MMP26: variants seen among roughly 807,000 people sequenced by gnomAD.
The protein encoded by MMP26 is matrix metalloproteinase-26.
Under a neutral mutation model 31.0 loss-of-function variants are expected in MMP26, and 33 were observed. The ratio of observed to expected loss-of-function variants is 1.06; its 90% CI spans 0.81 to 1.42. MMP26 has a LOEUF of 1.42. Among genes scored for constraint, MMP26 ranks in the 40% most tolerant of loss-of-function variants. The pLI is 0.00. For missense variants in MMP26, 347 were observed against 316.1 expected (o/e 1.10, Z -0.74); for synonymous variants, 122 against 114.9 (o/e 1.06, Z -0.40).
Position 4,740,632 on chromosome 11 carries a change from G to A in MMP26, c.-216-26638G>A, listed in dbSNP as rs998718210. 4.7e-5 allele frequency among the ~76,000 whole-genome samples: 7 copies of A among 150,052 alleles called. No homozygotes were observed. In the South Asian group the frequency reaches 8.4e-4, roughly 18 times the overall value. ...CGTGAAGCAGAGGTTGCAGTGAGCC[G>A]AGATTGCACCACTGCACTCCAGCCT... On this transcript the variant is annotated intron_variant, in intron 1 of 7. Transcript: ENST00000380390.
intron 2 of MMP26, among the ~76,000 whole-genome samples, chr11:4,816,358 G>C (rs562366111): frequency 3.3e-5 from 5 of 152,154 alleles, no homozygotes; most frequent in Non-Finnish European, 7.3e-5. Context: ...TGGATGAAAT[G>C]TCCGTCAGGT....
intron 2 of MMP26, among the ~76,000 whole-genome samples, chr11:4,976,983 C>T (rs764889460): frequency 6.6e-6 from 1 of 151,956 alleles, no homozygotes; most frequent in Non-Finnish European, 1.5e-5. Flanking sequence ...AAATGAAAGT[C>T]GTTATTCTGC....
At chr11:4,987,380 G>T (rs1846917375) in intron 2 of MMP26, among the ~76,000 whole-genome samples, 1 of 151,648 alleles carries the variant, frequency 6.6e-6, no homozygotes, top group Non-Finnish European at 1.5e-5. Flanking sequence ...ATAGGTCTTG[G>T]AGATTTTTTT....
At chr11:4,857,940 T>G (rs1850079622) in intron 2 of MMP26, among the ~76,000 whole-genome samples, 1 of 152,184 alleles carries the variant, frequency 6.6e-6, no homozygotes, top group African/African-American at 2.4e-5. Flanking sequence ...TCAATAAACG[T>G]AATCCATCAT....
chr11:4,779,887 T>G (rs1237798974), intron 2 of MMP26, among the ~76,000 whole-genome samples: 1 of 152,140 alleles, frequency 6.6e-6, no homozygotes, highest in Admixed American at 6.5e-5. Flanking sequence ...GCCTCCTTAC[T>G]GAAGCACCGT....
intron 2 of MMP26, among the ~76,000 whole-genome samples, chr11:4,974,968 G>A (rs1429228549): frequency 6.6e-6 from 1 of 151,964 alleles, no homozygotes; most frequent in Non-Finnish European, 1.5e-5. Context: ...TTGAGGTGGG[G>A]GGAGGGAGAG....
At chr11:4,876,958 A>G (rs961497887) in intron 2 of MMP26, 4 of 154,842 alleles carry the variant, frequency 2.6e-5, no homozygotes, top group African/African-American at 7.2e-5. Context: ...CCTTTGCACT[A>G]TGCTACAATT....
intron 1 of MMP26, among the ~76,000 whole-genome samples, chr11:4,738,627 C>T (rs1049567580): frequency 1.3e-5 from 2 of 152,066 alleles, no homozygotes; most frequent in Non-Finnish European, 2.9e-5. Context: ...TGGCTTTTAC[C>T]TCATCTAATT....
rs1183952347 is a variant in MMP26 at position 4,948,491 on chromosome 11, G to A, written c.-144-39577G>A. Among the ~76,000 whole-genome samples the A allele has an allele frequency of 1.6e-5, 2 of 123,622 alleles. 1 individual carries two copies. The highest frequency in any genetic ancestry group is 3.7e-5 in the Non-Finnish European group (2 of 54,552). The allele number at this position is 123,622 out of a possible 152,430, so 81.1% of individuals were successfully genotyped here. A position where few individuals can be genotyped will look rare whatever the true frequency, so the allele number is the denominator to read the frequency against. ...AAGTATATAGCACGCTATCAGGTTT[G>A]CCAAGCAATATTTAAGGAGTTATGA... On this transcript the variant is annotated intron_variant, in intron 2 of 7. Transcript: ENST00000380390.
At chr11:4,718,950 A>C (rs1847973685) in intron 1 of MMP26, 4 of 197,722 alleles carry the variant, frequency 2.0e-5, no homozygotes, top group Middle Eastern at 5.1e-4. Context: ...CTGTCATGGA[A>C]TCTTCAGTGC....
rs546846723 is a variant in MMP26 at position 4,756,390 on chromosome 11, A to G, written c.-216-10880A>G. ...CAATAAAAATGACTGTTCCAAAGGA[A>G]AGACTCCAGTGTATTGAGGATGAAA... On this transcript the variant is annotated intron_variant, in intron 1 of 7. Coordinates refer to ENST00000380390, the MANE Select transcript of MMP26 (RefSeq NM_021801.5). Among the ~76,000 whole-genome samples the G allele has an allele frequency of 5.5e-4, 83 of 152,220 alleles. 1 individual carries two copies. The highest frequency in any genetic ancestry group is 1.2e-3 in the Admixed American group (19 of 15,292).
chr11:4,946,815 A>C, intron 2 of MMP26: 1 of 1,587,474 alleles, frequency 6.3e-7, no homozygotes, highest in East Asian at 2.2e-5. Flanking sequence ...CAGGCATTGG[A>C]TGAAATTTCA....
rs112673583 is a variant in MMP26, at chr11:4,746,610, T to C, written c.-216-20660T>C. On this transcript the variant is annotated intron_variant, in intron 1 of 7. Coordinates refer to ENST00000380390, the MANE Select transcript of MMP26 (RefSeq NM_021801.5). The stretch of plus-strand genomic sequence containing the variant: ...CCCAGTACTTTGGGAGGCTGGTGGG[T>C]GGATCACGAGGTCAGGAGTTTGAGA... Among the ~76,000 whole-genome samples, 1,181 of 152,018 alleles carry C rather than the reference T, an allele frequency of 7.8e-3. 7 individuals carry two copies. The highest frequency in any genetic ancestry group is 0.013 in the Non-Finnish European group (899 of 67,960).
chr11:4,896,787 A>G (rs1850709974), intron 2 of MMP26, among the ~76,000 whole-genome samples: 1 of 152,210 alleles, frequency 6.6e-6, no homozygotes, highest in Non-Finnish European at 1.5e-5. Flanking sequence ...AAGTAACATT[A>G]AAAAAGAGGA....
At chr11:4,933,573 T>TTA (rs1851384991) in intron 2 of MMP26, among the ~76,000 whole-genome samples, 1 of 145,234 alleles carries the variant, frequency 6.9e-6, no homozygotes. Flanking sequence ...TTGTTTTTTT[T>TTA]ATTTTTATTT....
At chr11:4,967,598 G>A (rs563885114) in intron 2 of MMP26, among the ~76,000 whole-genome samples, 1 of 152,194 alleles carries the variant, frequency 6.6e-6, no homozygotes, top group South Asian at 2.1e-4. Context: ...CCAGGTGTCA[G>A]GCTGTTTTTT....
intron 2 of MMP26, among the ~76,000 whole-genome samples, chr11:4,894,689 C>T (rs1850675622): frequency 6.6e-6 from 1 of 152,006 alleles, no homozygotes; most frequent in African/African-American, 2.4e-5. Context: ...AAGGGCAATA[C>T]CTGCTAAGCC....
intron 4 of MMP26, 119 bp from the exon 5 acceptor site, chr11:4,990,479 T>C: frequency 1.0e-6 from 1 of 963,062 alleles, no homozygotes; most frequent in Non-Finnish European, 1.5e-6. Context: ...ACTTTATAAA[T>C]AACCAAAATG....
chr11:4,715,974 A>G (rs1403158541), intron 1 of MMP26, among the ~76,000 whole-genome samples: 1 of 152,210 alleles, frequency 6.6e-6, no homozygotes, highest in African/African-American at 2.4e-5. Flanking sequence ...GGAAGTCTTT[A>G]AAAGAGAGAA....
Sources: gnomAD v4.1 joint callset for allele counts (sites outside exome capture counted in the v4.1 genomes callset) on GRCh38, gnomAD v4.1.1 for gene constraint, MANE v1.5 for transcripts, NCBI Gene and HGNC (gene_info 2026-07-23, HGNC 2026-07-21) for gene names.